ARMC9: variants seen among roughly 807,000 people sequenced by gnomAD.
The protein encoded by ARMC9 is armadillo repeat containing 9, also known as lisH domain-containing protein ARMC9.
In ARMC9, 94 loss-of-function variants were observed where a neutral mutation model predicts 107.0. The ratio of observed to expected loss-of-function variants is 0.88; its 90% CI spans 0.74 to 1.04. The LOEUF is 1.04. ARMC9 is among the 50% of genes least tolerant of loss of function. The pLI is 0.00. For synonymous variants in ARMC9, 380 were observed against 396.9 expected (o/e 0.96, Z 0.51); for missense variants, 942 against 1,030.1 (o/e 0.91, Z 1.17).
intron 1 of ARMC9, among the ~76,000 whole-genome samples, chr2:231,203,424 A>C (rs753049990): frequency 1.6e-4 from 24 of 152,146 alleles, no homozygotes; most frequent in Non-Finnish European, 3.1e-4. Flanking sequence ...CACAGCGCTC[A>C]TGGCCCCTCT....
intron 7 of ARMC9, among the ~76,000 whole-genome samples, chr2:231,233,996 A>T (rs2035485405): frequency 6.6e-6 from 1 of 152,196 alleles, no homozygotes; most frequent in Non-Finnish European, 1.5e-5. Flanking sequence ...TGAGAATTAC[A>T]GAGTTAAATA....
chr2:231,284,469 C>T lies in ARMC9; in HGVS notation c.1626+2336C>T, dbSNP rs117555548. Among the ~76,000 whole-genome samples the T allele has an allele frequency of 1.5e-3, 236 of 152,352 alleles. 10 individuals are homozygous for T. The East Asian group carries it at 0.041, about 27-fold the overall frequency. On this transcript the variant is annotated intron_variant, in intron 17 of 24. Transcript: ENST00000611582. ...ATAGTTGAGACTTCAGCCTCTGCTT[C>T]CAAGCTCACTCACCTGGCTGTCAGC...
intron 20 of ARMC9, among the ~76,000 whole-genome samples, chr2:231,336,318 A>G (rs1045174264): frequency 3.9e-5 from 6 of 152,002 alleles, no homozygotes; most frequent in Admixed American, 3.9e-4. Flanking sequence ...TGCTTCACAC[A>G]ACTCCATTTG....
chr2:231,311,185 G>T (rs1368029916), intron 19 of ARMC9, among the ~76,000 whole-genome samples: 1 of 152,200 alleles, frequency 6.6e-6, no homozygotes, highest in Admixed American at 6.5e-5. Context: ...TAATGTTGCT[G>T]TGTGGGGAGG....
intron 9 of ARMC9, among the ~76,000 whole-genome samples, chr2:231,252,043 T>G (rs998816920): frequency 6.6e-6 from 1 of 152,226 alleles, no homozygotes; most frequent in East Asian, 1.9e-4. Flanking sequence ...AGACTGGCTG[T>G]ACTCATGAAA....
In ARMC9 at chr2:231,362,048, C is replaced by G. The variant is rs1306582650; in HGVS notation, c.2261+1165C>G. On this transcript the variant is annotated intron_variant, in intron 23 of 24. Transcript: ENST00000611582. This position sits in a 1 kb window ranked among gnomAD's most constrained non-coding sequence, Gnocchi z 4.7. ...TAGGGAAGGGTGGGGGCAGTCCCAG[C>G]TATCTTTAAGAAGCACGGGGTCAAA... is the stretch of plus-strand genomic sequence containing the variant. 4.7e-5 allele frequency among the ~76,000 whole-genome samples: 7 copies of G among 148,528 alleles called. No individual in the cohort carries two copies. Among genetic ancestry groups the G allele is most frequent in the Non-Finnish European group, 2.9e-5 (2 of 67,946 alleles).
At chr2:231,296,007 T>C (rs2041338489) in intron 18 of ARMC9, 191 bp from the exon 19 acceptor site, 1 of 405,690 alleles carries the variant, frequency 2.5e-6, no homozygotes, top group South Asian at 9.9e-5. Context: ...AGAGATTTAC[T>C]ATTTAAAATT....
chr2:231,348,443 T>TCAACTTAC (rs1281425000), intron 21 of ARMC9, among the ~76,000 whole-genome samples: 1 of 152,222 alleles, frequency 6.6e-6, no homozygotes, highest in Non-Finnish European at 1.5e-5. Flanking sequence ...TTGTTTTCAG[T>TCAACTTAC]CACTAAGTTT....
chr2:231,214,097 C>T (rs576312660), intron 3 of ARMC9, among the ~76,000 whole-genome samples: 1 of 152,204 alleles, frequency 6.6e-6, no homozygotes, highest in Non-Finnish European at 1.5e-5. Flanking sequence ...CTCCAGAATT[C>T]TTTGAACTAG....
intron 1 of ARMC9, among the ~76,000 whole-genome samples, chr2:231,201,472 G>A (rs1232911289): frequency 2.0e-5 from 3 of 152,146 alleles, no homozygotes; most frequent in South Asian, 2.1e-4. Context: ...ACTTGCAGGC[G>A]TCTCTTTCCT....
At chr2:231,280,721 A>C (rs2040152435) in intron 16 of ARMC9, among the ~76,000 whole-genome samples, 1 of 152,220 alleles carries the variant, frequency 6.6e-6, no homozygotes, top group African/African-American at 2.4e-5. Flanking sequence ...GAAAAGTTGC[A>C]TCACATGTGA....
intron 20 of ARMC9, among the ~76,000 whole-genome samples, chr2:231,340,433 A>G (rs535619175): frequency 2.6e-5 from 4 of 152,192 alleles, no homozygotes; most frequent in Non-Finnish European, 5.9e-5. Context: ...GCCACCCCTT[A>G]ACTGTAACTG....
chr2:231,286,682 T>C (rs1334555471), intron 17 of ARMC9, among the ~76,000 whole-genome samples: 1 of 152,180 alleles, frequency 6.6e-6, no homozygotes, highest in Non-Finnish European at 1.5e-5. Context: ...TTGAAGATGA[T>C]AATTAGGAAA....
At position 231,287,086 on chromosome 2, in the gene ARMC9, G is replaced by A. The variant is rs541758682; in HGVS notation, c.1627-4267G>A. ...ATCAGAGGCTCTGCAGGTTATAAAAGCTCCCAGAATCTGGGAAGGCCAGGG... is the reference window on the plus strand; with the variant it reads ...ATCAGAGGCTCTGCAGGTTATAAAAACTCCCAGAATCTGGGAAGGCCAGGG... On this transcript the variant is annotated intron_variant, in intron 17 of 24. Coordinates refer to ENST00000611582, the MANE Select transcript of ARMC9 (RefSeq NM_001352754.2). Among the ~76,000 whole-genome samples, 14 of 152,290 alleles carry A rather than the reference G, an allele frequency of 9.2e-5. No homozygotes were observed. In the East Asian group the frequency reaches 2.1e-3, roughly 23 times the overall value.
intron 17 of ARMC9, among the ~76,000 whole-genome samples, chr2:231,284,197 AAC>A (rs2040421068): frequency 6.6e-6 from 1 of 152,196 alleles, no homozygotes; most frequent in African/African-American, 2.4e-5. Context: ...TACAGTATTC[AAC>A]ACAGTCACGT....
chr2:231,205,341 T>C (rs1166947711), intron 1 of ARMC9, among the ~76,000 whole-genome samples: 1 of 152,030 alleles, frequency 6.6e-6, no homozygotes, highest in Non-Finnish European at 1.5e-5. Context: ...TTGCACTCCA[T>C]CCTGGGCAAC....
intron 20 of ARMC9, among the ~76,000 whole-genome samples, chr2:231,333,886 C>T (rs1205902298): frequency 1.3e-5 from 2 of 152,200 alleles, no homozygotes; most frequent in Non-Finnish European, 2.9e-5. Flanking sequence ...CGGCAAAATG[C>T]CATGGGGGAG....
intron 7 of ARMC9, among the ~76,000 whole-genome samples, chr2:231,229,754 A>G (rs2035030904): frequency 6.6e-6 from 1 of 152,218 alleles, no homozygotes; most frequent in Admixed American, 6.5e-5. Flanking sequence ...AACAGGAAAG[A>G]GTATATCATT....
intron 10 of ARMC9, among the ~76,000 whole-genome samples, chr2:231,257,916 C>T (rs1034579454): frequency 3.9e-5 from 6 of 152,126 alleles, no homozygotes; most frequent in African/African-American, 1.2e-4. Context: ...AACGTGAAGA[C>T]GCTTGTTTTA....
Sources: gnomAD v4.1 joint callset for allele counts (sites outside exome capture counted in the v4.1 genomes callset) on GRCh38, gnomAD v4.1.1 for gene constraint, Gnocchi (gnomAD v3.1) non-coding constraint, MANE v1.5 for transcripts, NCBI Gene and HGNC (gene_info 2026-07-23, HGNC 2026-07-21) for gene names.